The following APBB2 variants were observed in gnomAD, a reference collection of about 807,000 sequenced individuals.
The protein encoded by APBB2 is amyloid beta precursor protein binding family B member 2.
A neutral mutation model predicts 82.5 loss-of-function variants in APBB2; 38 were observed. That is an observed-to-expected ratio of 0.46 (90% CI 0.36 to 0.60). The LOEUF is 0.60. Ranked by LOEUF, APBB2 falls within the 20% of genes least tolerant of loss-of-function variation. APBB2 has a pLI of 0.00. For synonymous variants in APBB2, 341 were observed against 368.2 expected (o/e 0.93, Z 0.85); for missense variants, 772 against 972.3 (o/e 0.79, Z 2.74).
rs553569528 is a variant in APBB2 at position 40,874,868 on chromosome 4, C to A, written c.1529+15496G>T. 1.6e-4 allele frequency among the ~76,000 whole-genome samples: 24 copies of A among 152,320 alleles called. No individual in the cohort carries two copies. The South Asian group carries it at 3.9e-3, about 25-fold the overall frequency. The stretch of plus-strand genomic sequence containing the variant: ...GGTAGAGTGCTCAGCTCAAAAACTT[C>A]TTAGAAAATTTGACTGAGATCAGTA... On this transcript the variant is annotated intron_variant, in intron 12 of 17. Coordinates refer to ENST00000508593, the MANE Select transcript of APBB2 (RefSeq NM_004307.2).
chr4:41,002,622 C>T (rs1579152742), intron 6 of APBB2, among the ~76,000 whole-genome samples: 1 of 152,238 alleles, frequency 6.6e-6, no homozygotes, highest in African/African-American at 2.4e-5. Flanking sequence ...CTGCTGCTGA[C>T]TGTTGTCTCT....
chr4:41,014,526 G>GTAT, intron 5 of APBB2, 128 bp from the exon 6 acceptor site: 2 of 897,972 alleles, frequency 2.2e-6, no homozygotes, highest in Non-Finnish European at 3.5e-6. Flanking sequence ...CTCATAGAAT[G>GTAT]GACCCATTTT....
At chr4:40,973,818 C>A (rs1796508720) in intron 6 of APBB2, among the ~76,000 whole-genome samples, 1 of 151,050 alleles carries the variant, frequency 6.6e-6, no homozygotes, top group Non-Finnish European at 1.5e-5. Flanking sequence ...CTGGCATTCT[C>A]TTTCTTCTGT....
intron 6 of APBB2, among the ~76,000 whole-genome samples, chr4:40,995,999 A>G (rs189500400): frequency 6.6e-6 from 1 of 152,274 alleles, no homozygotes; most frequent in East Asian, 1.9e-4. Context: ...CTGGTTTTAG[A>G]GCCTCTTAGC....
At chr4:41,154,587 TC>T (rs143217801) in intron 1 of APBB2, among the ~76,000 whole-genome samples, 7,670 of 152,274 alleles carry the variant, frequency 0.05, 273 homozygotes, top group Non-Finnish European at 0.072. Context: ...AATTCCTGTC[TC>T]CCTGAAATGT....
chr4:40,860,595 T>A (rs1762525194), intron 12 of APBB2, among the ~76,000 whole-genome samples: 1 of 152,162 alleles, frequency 6.6e-6, no homozygotes, highest in Admixed American at 6.5e-5. Flanking sequence ...ACCACAACCA[T>A]GAGCATAATC....
At chr4:41,005,824 A>T (rs991588698) in intron 6 of APBB2, among the ~76,000 whole-genome samples, 1 of 152,216 alleles carries the variant, frequency 6.6e-6, no homozygotes, top group Non-Finnish European at 1.5e-5. Flanking sequence ...CTGAGGGACA[A>T]TGCTCTCCCC....
intron 12 of APBB2, among the ~76,000 whole-genome samples, chr4:40,845,829 T>A (rs1466004610): frequency 1.3e-5 from 2 of 152,102 alleles, no homozygotes; most frequent in Non-Finnish European, 1.5e-5. Flanking sequence ...CTTTCATCAC[T>A]GGCCATCTCT....
At chr4:41,009,482 G>A (rs894009438) in intron 6 of APBB2, among the ~76,000 whole-genome samples, 4 of 152,094 alleles carry the variant, frequency 2.6e-5, no homozygotes, top group African/African-American at 7.2e-5. Context: ...TGGAGGGGGC[G>A]ATTCAGTAGT....
intron 10 of APBB2, among the ~76,000 whole-genome samples, chr4:40,921,286 T>C (rs183447857): frequency 1.9e-4 from 29 of 152,348 alleles, no homozygotes; most frequent in Admixed American, 1.5e-3. Flanking sequence ...CCTGCCTCCT[T>C]GGGTTCAAAT....
chr4:40,872,786 TAA>T (rs1184469936), intron 12 of APBB2, among the ~76,000 whole-genome samples: 2 of 143,746 alleles, frequency 1.4e-5, no homozygotes, highest in Non-Finnish European at 1.5e-5. Context: ...TGATAAAGGT[TAA>T]AAAAAAAAAA....
chr4:40,830,519 G>T lies in APBB2; in HGVS notation c.1588C>A (p.Arg530=). The change falls in exon 13 of 18, where the codon CGA becomes AGA. Residue 530 remains arginine, a synonymous_variant. Coordinates refer to ENST00000508593, the MANE Select transcript of APBB2 (RefSeq NM_004307.2). Reference sequence around the variant, plus strand: ...ATGGCTTTTGCTGGTGTGTCACATCGAAATACATGACATTTCAAAATTCTT... The same window carrying T: ...ATGGCTTTTGCTGGTGTGTCACATCTAAATACATGACATTTCAAAATTCTT... The part of the protein sequence containing the change: ...DTRILKCHVF[R]CDTPAKAIAT... The T allele has an allele frequency of 6.2e-7, 1 of 1,614,102 alleles. No individual in the cohort carries two copies. Among genetic ancestry groups the T allele is most frequent in the African/African-American group, 1.3e-5 (1 of 74,998 alleles).
At chr4:41,035,766 G>A (rs184331434) in intron 4 of APBB2, among the ~76,000 whole-genome samples, 2 of 152,296 alleles carry the variant, frequency 1.3e-5, no homozygotes, top group Admixed American at 1.3e-4. Flanking sequence ...TACTGAATAT[G>A]TACAGACTTT....
At chr4:41,070,554 G>A (rs956959253) in intron 3 of APBB2, among the ~76,000 whole-genome samples, 3 of 152,084 alleles carry the variant, frequency 2.0e-5, no homozygotes, top group Admixed American at 6.5e-5. Context: ...CACCCGCCTC[G>A]GCCTCCCAAA....
intron 3 of APBB2, among the ~76,000 whole-genome samples, chr4:41,094,658 G>A (rs369116153): frequency 2.0e-5 from 3 of 152,246 alleles, no homozygotes; most frequent in East Asian, 1.9e-4. Flanking sequence ...TCTGTCTCCC[G>A]GGTTCAAGCG....
At chr4:41,199,675 C>A (rs866144244) in intron 1 of APBB2, among the ~76,000 whole-genome samples, 1 of 152,112 alleles carries the variant, frequency 6.6e-6, no homozygotes, top group Non-Finnish European at 1.5e-5. Context: ...AGATTACATG[C>A]AACTTTCAAA....
At chr4:41,160,101 T>C (rs997027317) in intron 1 of APBB2, among the ~76,000 whole-genome samples, 28 of 151,578 alleles carry the variant, frequency 1.8e-4, no homozygotes, top group South Asian at 4.2e-4. Context: ...ACATCAAGGA[T>C]GAAAAACAAG....
intron 10 of APBB2, among the ~76,000 whole-genome samples, chr4:40,934,246 A>G (rs1394524114): frequency 6.6e-6 from 1 of 152,236 alleles, no homozygotes; most frequent in African/African-American, 2.4e-5. Flanking sequence ...AGATACAGGC[A>G]GAGTCTTGAT....
intron 6 of APBB2, among the ~76,000 whole-genome samples, chr4:41,010,551 A>G (rs77465396): frequency 6.6e-6 from 1 of 152,310 alleles, no homozygotes; most frequent in Non-Finnish European, 1.5e-5. Context: ...GTACATTTCA[A>G]GAGTCCCAGT....
Sources: allele counts gnomAD v4.1 joint callset (sites outside exome capture counted in the v4.1 genomes callset), GRCh38; gene constraint gnomAD v4.1.1; transcripts MANE v1.5; gene names NCBI Gene and HGNC (gene_info 2026-07-23, HGNC 2026-07-21).